KCNC2: variants seen among roughly 807,000 people sequenced by gnomAD.
KCNC2 encodes the protein voltage-gated potassium channel KCNC2.
Under a neutral mutation model 44.5 loss-of-function variants are expected in KCNC2, and 21 were observed. The ratio of observed to expected loss-of-function variants is 0.47; its 90% CI spans 0.33 to 0.68. The LOEUF (loss-of-function observed/expected upper bound fraction) is 0.68, where lower values mean the gene tolerates loss of function less well. KCNC2 is among the 30% of genes least tolerant of loss of function. KCNC2 has a pLI of 0.01. For missense variants in KCNC2, 589 were observed against 826.2 expected (o/e 0.71, Z 3.52); for synonymous variants, 391 against 339.1 (o/e 1.15, Z -1.68).
At chr12:75,159,083 A>G (rs1890948893) in intron 2 of KCNC2, among the ~76,000 whole-genome samples, 1 of 142,040 alleles carries the variant, frequency 7.0e-6, no homozygotes, top group East Asian at 2.4e-4. Context: ...ACACATGGAC[A>G]CAGGGAGGGG....
intron 2 of KCNC2, among the ~76,000 whole-genome samples, chr12:75,057,792 A>C (rs1050252534): frequency 2.6e-5 from 4 of 151,934 alleles, no homozygotes; most frequent in African/African-American, 7.2e-5. Context: ...ATTCACTTCT[A>C]ACATAAAAAA....
At chr12:75,099,571 T>C (rs1296318615) in intron 2 of KCNC2, among the ~76,000 whole-genome samples, 1 of 152,212 alleles carries the variant, frequency 6.6e-6, no homozygotes, top group African/African-American at 2.4e-5. Flanking sequence ...GATAATTTTA[T>C]GCAAACATAT....
chr12:75,098,012 C>A (rs1886078091), intron 2 of KCNC2, among the ~76,000 whole-genome samples: 1 of 151,868 alleles, frequency 6.6e-6, no homozygotes, highest in African/African-American at 2.4e-5. Flanking sequence ...TGTAATAAAG[C>A]TTATTATTTA....
Position 75,041,569 on chromosome 12 carries a change from A to G in KCNC2, c.*1536T>C, listed in dbSNP as rs1315459387. On this transcript the variant is annotated 3_prime_UTR_variant, in exon 5 of 5. Coordinates refer to ENST00000549446, the MANE Select transcript of KCNC2 (RefSeq NM_139137.4). ...GGTCTTTTTCTTCCCTCACATGCTC[A>G]ATACATGAGACACGCTATTGCTGTT... is the stretch of plus-strand genomic sequence containing the variant. 15 of 1,089,578 alleles carry G rather than the reference A, an allele frequency of 1.4e-5. No homozygotes were observed. The highest frequency in any genetic ancestry group is 4.3e-4 in the Middle Eastern group (1 of 2,300). 67.5% of individuals were successfully genotyped at this position (1,089,578 alleles called of 1,614,324 possible).
chr12:75,195,015 G>A (rs910315023), intron 2 of KCNC2, among the ~76,000 whole-genome samples: 1 of 152,102 alleles, frequency 6.6e-6, no homozygotes, highest in Non-Finnish European at 1.5e-5. Context: ...ATTTTCCAAA[G>A]AGTATTTTGA....
intron 2 of KCNC2, among the ~76,000 whole-genome samples, chr12:75,169,027 A>T (rs1262511007): frequency 6.6e-6 from 1 of 151,540 alleles, no homozygotes; most frequent in Non-Finnish European, 1.5e-5. Context: ...TTCAGTTTAG[A>T]CAGGTGCCAA....
chr12:75,207,933 G>A lies in KCNC2; in HGVS notation c.51C>T (p.Thr17=). ...GGGTGCTGCGGTAGGTTTCGTGCCG[G>A]GTGCCCCCGACATTGAGGATCACCC... ...NERVILNVGG[T]RHETYRSTLK... is the part of the protein sequence containing the mutation. The change falls in exon 2 of 5, where the codon ACC becomes ACT. Residue 17 remains threonine, a synonymous_variant. Coordinates refer to ENST00000549446, the MANE Select transcript of KCNC2 (RefSeq NM_139137.4). This position sits in a 1 kb window ranked among gnomAD's most constrained non-coding sequence, Gnocchi z 4.1. 1.2e-6 allele frequency: 2 copies of A among 1,612,760 alleles called. No individual in the cohort carries two copies. Among genetic ancestry groups the A allele is most frequent in the Non-Finnish European group, 1.7e-6 (2 of 1,179,894 alleles).
chr12:75,153,158 T>C (rs966790439), intron 2 of KCNC2, among the ~76,000 whole-genome samples: 1 of 152,026 alleles, frequency 6.6e-6, no homozygotes, highest in East Asian at 1.9e-4. Flanking sequence ...TTTGGAATAA[T>C]AGAATAAGAG....
At chr12:75,128,187 A>T (rs1416593414) in intron 2 of KCNC2, among the ~76,000 whole-genome samples, 1 of 152,158 alleles carries the variant, frequency 6.6e-6, no homozygotes, top group Non-Finnish European at 1.5e-5. Context: ...AATAAGCCTT[A>T]TTTCTGCAGA....
At chr12:75,108,029 T>C (rs1254016968) in intron 2 of KCNC2, among the ~76,000 whole-genome samples, 2 of 152,224 alleles carry the variant, frequency 1.3e-5, no homozygotes, top group Non-Finnish European at 2.9e-5. Flanking sequence ...TCCTTAGGCC[T>C]ATGACCTTTG....
intron 2 of KCNC2, among the ~76,000 whole-genome samples, chr12:75,053,472 A>T (rs1215421613): frequency 6.6e-6 from 1 of 152,124 alleles, no homozygotes; most frequent in Non-Finnish European, 1.5e-5. Context: ...TGAACAGCCT[A>T]CAAATATAAA....
intron 2 of KCNC2, among the ~76,000 whole-genome samples, chr12:75,188,349 C>A (rs1362192695): frequency 2.6e-5 from 4 of 152,000 alleles, no homozygotes; most frequent in Non-Finnish European, 5.9e-5. Flanking sequence ...AGCTTCTTTC[C>A]GAATTCACTT....
intron 2 of KCNC2, among the ~76,000 whole-genome samples, chr12:75,133,039 T>C (rs541590255): frequency 6.6e-6 from 1 of 152,044 alleles, no homozygotes; most frequent in South Asian, 2.1e-4. Context: ...TAAAGACAGA[T>C]AAAGTGACTA....
rs376717384 is a variant in KCNC2 at position 75,088,446 on chromosome 12, T to C, written c.688-37129A>G. 9.9e-5 allele frequency among the ~76,000 whole-genome samples: 15 copies of C among 152,220 alleles called. No individual in the cohort carries two copies. In the East Asian group the frequency reaches 2.7e-3, roughly 28 times the overall value. On this transcript the variant is annotated intron_variant, in intron 2 of 4. Coordinates refer to ENST00000549446, the MANE Select transcript of KCNC2 (RefSeq NM_139137.4). ...TTATTTTAACCTACAATTAATTGAC[T>C]ACCTGGATTAATCAAAACCTCTATT...
chr12:75,178,561 C>A (rs1298958821), intron 2 of KCNC2, among the ~76,000 whole-genome samples: 1 of 151,950 alleles, frequency 6.6e-6, no homozygotes, highest in Non-Finnish European at 1.5e-5. Context: ...GGAGTCAAAA[C>A]CCCAAATTTG....
rs1158151551 is a variant in KCNC2 at position 75,069,129 on chromosome 12, C to CTTTTT, written c.688-17817_688-17813dup. Among the ~76,000 whole-genome samples the CTTTTT allele has an allele frequency of 6.9e-4, 44 of 63,654 alleles. 7 individuals carry two copies. Among genetic ancestry groups the CTTTTT allele is most frequent in the African/African-American group, 2.3e-3 (38 of 16,804 alleles). 41.8% of individuals were successfully genotyped at this position (63,654 alleles called of 152,430 possible). ...AAAAACAGTTTCAATTTTATATAATCTTTTTTTTTTTTTTTTTTTTTTGAG... is the reference window on the plus strand; with the variant it reads ...AAAAACAGTTTCAATTTTATATAATCTTTTTTTTTTTTTTTTTTTTTTTTTTTGAG... On this transcript the variant is annotated intron_variant, in intron 2 of 4. Coordinates refer to ENST00000549446, the MANE Select transcript of KCNC2 (RefSeq NM_139137.4).
intron 4 of KCNC2, chr12:75,044,572 C>G (rs1880271346): frequency 6.6e-6 from 1 of 151,898 alleles, no homozygotes; most frequent in South Asian, 2.1e-4. Flanking sequence ...AGTGATGTAT[C>G]TGATTATTTT....
In KCNC2 at chr12:75,040,953, T is replaced by G. The variant is rs200064128; in HGVS notation, c.*2152A>C. On this transcript the variant is annotated 3_prime_UTR_variant, in exon 5 of 5. Coordinates refer to ENST00000549446, the MANE Select transcript of KCNC2 (RefSeq NM_139137.4). ...TGACCCATGCACACATGTTGGTATT[T>G]ACAGTTGTTTCATGGACACTGGCCA... The G allele has an allele frequency of 1.6e-6, 1 of 631,808 alleles. No individual in the cohort carries two copies. The highest frequency in any genetic ancestry group is 2.8e-6 in the Non-Finnish European group (1 of 356,542). The allele number at this position is 631,808 out of a possible 1,614,324, so 39.1% of individuals were successfully genotyped here. A position where few individuals can be genotyped will look rare whatever the true frequency, so the allele number is the denominator to read the frequency against.
intron 2 of KCNC2, among the ~76,000 whole-genome samples, chr12:75,198,413 A>G (rs982775616): frequency 6.6e-6 from 1 of 151,900 alleles, no homozygotes; most frequent in South Asian, 2.1e-4. Context: ...AAGTCAGTTA[A>G]GGTTCTATTC....
Sources: gnomAD v4.1 joint callset for allele counts (sites outside exome capture counted in the v4.1 genomes callset) on GRCh38, gnomAD v4.1.1 for gene constraint, Gnocchi (gnomAD v3.1) non-coding constraint, MANE v1.5 for transcripts, NCBI Gene and HGNC (gene_info 2026-07-23, HGNC 2026-07-21) for gene names.